Variants in CORO6 observed in about 807,000 individuals in gnomAD.
The protein encoded by CORO6 is coronin 6.
In CORO6, 43 loss-of-function variants were observed where a neutral mutation model predicts 49.0. The observed-to-expected ratio is 0.88, with a 90% confidence interval of 0.69 to 1.13. The LOEUF is 1.13. Among genes scored for constraint, CORO6 ranks in the 50% most tolerant of loss-of-function variants. The pLI is 0.00. For missense variants in CORO6, 650 were observed against 647.0 expected, an observed-to-expected ratio of 1.00 and a Z score of -0.05; for synonymous variants, 233 against 256.5, an observed-to-expected ratio of 0.91 and a Z score of 0.88.
rs991986384 is a variant in CORO6 at position 29,618,347 on chromosome 17, G to A, written c.633+443C>T. On this transcript the variant is annotated intron_variant, in intron 5 of 10. Coordinates refer to ENST00000388767, the MANE Select transcript of CORO6 (RefSeq NM_032854.4). The stretch of plus-strand genomic sequence containing the variant: ...CCGGCTGGGATAAGCAACGCGCGAG[G>A]GTTGCCCCATCCCCCGCCCAGCGGG... 7.7e-6 allele frequency: 10 copies of A among 1,293,796 alleles called. No homozygotes were observed. The South Asian group carries it at 1.8e-4, about 23-fold the overall frequency. 80.1% of individuals were successfully genotyped at this position (1,293,796 alleles called of 1,614,324 possible).
Position 29,616,239 on chromosome 17 carries a change from C to A in CORO6, c.1062+40G>T, listed in dbSNP as rs759718653. 4 of 1,610,368 alleles carry A rather than the reference C, an allele frequency of 2.5e-6. No individual in the cohort carries two copies. In the East Asian group the frequency reaches 6.7e-5, roughly 27 times the overall value. On this transcript the variant is annotated intron_variant, in intron 9 of 10. Transcript: ENST00000388767. This position sits in a 1 kb window ranked among gnomAD's most constrained non-coding sequence, Gnocchi z 5.6. ...GTGCGGGGCTTGCTCCGCTCCCTTC[C>A]GCCTCGTAGCCCTGCCCAACCCTTC...
chr17:29,618,631 A>T, intron 5 of CORO6, 159 bp downstream of exon 5: 1 of 1,434,074 alleles, frequency 7.0e-7, no homozygotes, highest in Non-Finnish European at 9.1e-7. Flanking sequence ...TAGGGCAGAG[A>T]CCTGTGGTTG....
At position 29,615,628 on chromosome 17, in the gene CORO6, C is replaced by T. The variant is rs1219747434; in HGVS notation, c.*104G>A. 37 of 1,301,018 alleles carry T rather than the reference C, an allele frequency of 2.8e-5. No homozygotes were observed. Among genetic ancestry groups the T allele is most frequent in the Non-Finnish European group, 3.3e-5 (32 of 984,612 alleles). 80.6% of individuals were successfully genotyped at this position (1,301,018 alleles called of 1,614,324 possible). On this transcript the variant is annotated 3_prime_UTR_variant, in exon 11 of 11. Coordinates refer to ENST00000388767, the MANE Select transcript of CORO6 (RefSeq NM_032854.4). ...GCGGAGTTCCCTCCCCAGTCCCGCC[C>T]CCGGGCCCAGCCCAAGAAGGCGGGG...
chr17:29,616,035 G>A lies in CORO6; in HGVS notation c.1203C>T (p.Arg401=). ...LRDGYVPPKH[R]ELRVTKRNIL... ...TGTTGCGCTTCGTGACCCGGAGCTC[G>A]CGGTGCTTGGGGGGCACATAGCCGT... Residue 401 remains arginine, a synonymous_variant, in exon 10 of 11, where the codon CGC becomes CGT. Coordinates refer to ENST00000388767, the MANE Select transcript of CORO6 (RefSeq NM_032854.4). The surrounding 1 kb of genome is among the most constrained non-coding windows in gnomAD (Gnocchi z 5.6). 1 of 1,610,098 alleles carries A rather than the reference G, an allele frequency of 6.2e-7. No individual in the cohort carries two copies. The highest frequency in any genetic ancestry group is 2.2e-5 in the East Asian group (1 of 44,788).
intron 5 of CORO6, chr17:29,618,455 G>C: frequency 7.8e-7 from 1 of 1,275,924 alleles, no homozygotes; most frequent in Non-Finnish European, 9.9e-7. Flanking sequence ...GCTGAGAGGA[G>C]AGGGGTCCAG....
At chr17:29,620,322 T>G (rs1345165117) in intron 2 of CORO6, among the ~76,000 whole-genome samples, 1 of 152,216 alleles carries the variant, frequency 6.6e-6, no homozygotes, top group Non-Finnish European at 1.5e-5. Flanking sequence ...TTGTGGGGGT[T>G]CTGAGACCTC....
rs754358584 is a variant in CORO6 at position 29,615,936 on chromosome 17, C to A, written c.1293+9G>T. ...AGATTGGGCCAGAGTGCAGCAGGGC[C>A]GATCTTACCGACAAGGGGGCGTCGC... On this transcript the variant is annotated intron_variant, in intron 10 of 10. Coordinates refer to ENST00000388767, the MANE Select transcript of CORO6 (RefSeq NM_032854.4). 2.5e-6 allele frequency: 4 copies of A among 1,576,528 alleles called. No individual in the cohort carries two copies. Among genetic ancestry groups the A allele is most frequent in the Non-Finnish European group, 3.4e-6 (4 of 1,160,264 alleles).
Position 29,617,566 on chromosome 17 carries a change from G to A in CORO6, c.687C>T (p.Arg229=). The A allele has an allele frequency of 1.2e-6, 2 of 1,609,806 alleles. No homozygotes were observed. The highest frequency in any genetic ancestry group is 1.7e-6 in the Non-Finnish European group (2 of 1,179,106). The change falls in exon 6 of 11, where the codon CGC becomes CGT. Residue 229 remains arginine (R), a synonymous_variant. Coordinates refer to ENST00000388767, the MANE Select transcript of CORO6 (RefSeq NM_032854.4). ...AGCCCGTGGTGAAGATATGGCCCTG[G>A]CGCGTGAAGACGGCCCGCATGGGCC... ...GMRPMRAVFT[R]QGHIFTTGFT...
Position 29,615,591 on chromosome 17 carries a change from C to G in CORO6, c.*141G>C. 3.3e-6 allele frequency: 3 copies of G among 920,720 alleles called. No individual in the cohort carries two copies. Among genetic ancestry groups the G allele is most frequent in the East Asian group, 2.8e-5 (1 of 35,282 alleles). The allele number at this position is 920,720 out of a possible 1,614,324, so 57.0% of individuals were successfully genotyped here. ...TCCCCTAAGCTCCAAGAGTTCTGGTCTCCCGCGAGGGGCGGAGTTCCCTCC... is the reference window on the plus strand; with the variant it reads ...TCCCCTAAGCTCCAAGAGTTCTGGTGTCCCGCGAGGGGCGGAGTTCCCTCC... On this transcript the variant is annotated 3_prime_UTR_variant, in exon 11 of 11. Coordinates refer to ENST00000388767, the MANE Select transcript of CORO6 (RefSeq NM_032854.4).
chr17:29,617,696 T>C, intron 5 of CORO6, 77 bp from the exon 6 acceptor site: 11 of 1,438,226 alleles, frequency 7.6e-6, no homozygotes, highest in Non-Finnish European at 1.0e-5. Context: ...AGCAACCAGC[T>C]TGCTGACTTG....
chr17:29,618,072 C>T (rs1335212274), intron 5 of CORO6: 4 of 1,501,420 alleles, frequency 2.7e-6, no homozygotes, highest in Non-Finnish European at 3.5e-6. Context: ...CGAGTTGCCG[C>T]TCACTCATCC....
At chr17:29,618,273 G>C (rs2035109324) in intron 5 of CORO6, 1 of 1,309,660 alleles carries the variant, frequency 7.6e-7, no homozygotes, top group Non-Finnish European at 9.7e-7. Flanking sequence ...CCGCACCCCA[G>C]GTTAGACTTG....
At chr17:29,618,109 C>A (rs1031237131) in intron 5 of CORO6, 29 of 1,455,124 alleles carry the variant, frequency 2.0e-5, no homozygotes, top group Admixed American at 2.7e-5. Context: ...GAGCAGCTTC[C>A]CGTCTGCGGT....
Position 29,614,931 on chromosome 17 carries a change from T to TG in CORO6, c.*800dup, listed in dbSNP as rs1269541581. 1 of 151,918 alleles carries TG rather than the reference T, an allele frequency of 6.6e-6. No individual in the cohort carries two copies. The highest frequency in any genetic ancestry group is 6.6e-5 in the Admixed American group (1 of 15,266). 9.4% of individuals were successfully genotyped at this position (151,918 alleles called of 1,614,324 possible). On this transcript the variant is annotated 3_prime_UTR_variant, in exon 11 of 11. Coordinates refer to ENST00000388767, the MANE Select transcript of CORO6 (RefSeq NM_032854.4). ...GCCTGGGGGTAGCATTTGCAGAGGC[T>TG]GGGGGTCTCGTTCCCCTCACTCCCA...
At chr17:29,617,453 T>G (rs1402316482) in intron 6 of CORO6, 47 bp downstream of exon 6, 1 of 1,573,892 alleles carries the variant, frequency 6.4e-7, no homozygotes, top group African/African-American at 1.3e-5. Flanking sequence ...CACTCTCCCG[T>G]GATGCCAGTC....
chr17:29,617,055 A>C lies in CORO6; in HGVS notation c.754-13T>G. On this transcript the variant is annotated splice_polypyrimidine_tract_variant and intron_variant, in intron 6 of 10. Coordinates refer to ENST00000388767, the MANE Select transcript of CORO6 (RefSeq NM_032854.4). ...CCTCGAAGTTGTTCTGCCCGAGCACAGGAGGCGTGACCAGCCCTGCCCCAC... is the reference window on the plus strand; with the variant it reads ...CCTCGAAGTTGTTCTGCCCGAGCACCGGAGGCGTGACCAGCCCTGCCCCAC... 1 of 1,612,356 alleles carries C rather than the reference A, an allele frequency of 6.2e-7. No homozygotes were observed. The highest frequency in any genetic ancestry group is 8.5e-7 in the Non-Finnish European group (1 of 1,179,342).
chr17:29,620,352 C>T (rs1009677351), intron 2 of CORO6, among the ~76,000 whole-genome samples: 1 of 152,184 alleles, frequency 6.6e-6, no homozygotes, highest in Admixed American at 6.5e-5. Context: ...AGACACTGGT[C>T]CAGACCAGGC....
chr17:29,621,228 G>T lies in CORO6; in HGVS notation c.194C>A (p.Ala65Asp). 3 of 1,614,064 alleles carry T rather than the reference G, an allele frequency of 1.9e-6. No individual in the cohort carries two copies. Among genetic ancestry groups the T allele is most frequent in the South Asian group, 1.1e-5 (1 of 91,080 alleles). ...GGGAFIVLPL[A>D]KTGRVDKNYP... ...TTCCTTTCCCTGATCCCTCACCTTGGCCAGAGGCAGGACGATGAAGGCACC... is the reference window on the plus strand; with the variant it reads ...TTCCTTTCCCTGATCCCTCACCTTGTCCAGAGGCAGGACGATGAAGGCACC... Residue 65 changes from alanine (A) to aspartate (D), a missense_variant, in exon 2 of 11, where the codon GCC becomes GAC. Transcript: ENST00000388767. This position sits in a 1 kb window ranked among gnomAD's most constrained non-coding sequence, Gnocchi z 4.2.
rs948623701 is a variant in CORO6, at chr17:29,615,993, C to T, written c.1245G>A (p.Pro415=). Reference sequence around the variant, plus strand: ...ACTGGCTGCGGCGGGGGCCGGAGGGCGGGCGCACGTCCAGGATGTTGCGCT... The same window carrying T: ...ACTGGCTGCGGCGGGGGCCGGAGGGTGGGCGCACGTCCAGGATGTTGCGCT... ...VTKRNILDVR[P]PSGPRRSQSA... Residue 415 remains proline (P), a synonymous_variant, in exon 10 of 11, where the codon CCG becomes CCA. Coordinates refer to ENST00000388767, the MANE Select transcript of CORO6 (RefSeq NM_032854.4). The T allele has an allele frequency of 6.3e-7, 1 of 1,583,214 alleles. No homozygotes were observed. Among genetic ancestry groups the T allele is most frequent in the Non-Finnish European group, 8.6e-7 (1 of 1,162,856 alleles).
Sources: allele counts gnomAD v4.1 joint callset (sites outside exome capture counted in the v4.1 genomes callset), GRCh38; gene constraint gnomAD v4.1.1; non-coding constraint Gnocchi (gnomAD v3.1); transcripts MANE v1.5; gene names NCBI Gene and HGNC (gene_info 2026-07-23, HGNC 2026-07-21).